TSEN15: variants seen among roughly 807,000 people sequenced by gnomAD.
TSEN15 encodes the protein tRNA splicing endonuclease subunit 15, also known as tRNA-splicing endonuclease subunit Sen15.
TSEN15 carries 10 observed loss-of-function variants against 20.5 expected under a neutral mutation model. The observed-to-expected ratio is 0.49, with a 90% CI of 0.30 to 0.83. The LOEUF is 0.83. Ranked by LOEUF, TSEN15 falls within the 40% of genes least tolerant of loss-of-function variation. The probability of loss-of-function intolerance (pLI) is 0.06; values close to 1 mark genes in which losing one functional copy is unlikely to be tolerated. For missense variants in TSEN15, 180 were observed against 218.6 expected, an observed-to-expected ratio of 0.82 and a Z score of 1.11; for synonymous variants, 72 against 80.1, an observed-to-expected ratio of 0.90 and a Z score of 0.54.
chr1:184,063,128 C>T (rs1650526491), intron 3 of TSEN15, among the ~76,000 whole-genome samples: 1 of 152,070 alleles, frequency 6.6e-6, no homozygotes, highest in Non-Finnish European at 1.5e-5. Flanking sequence ...ATTTTGTTCC[C>T]CTAGGACCTC....
chr1:184,067,924 C>CA (rs71130650), intron 3 of TSEN15, among the ~76,000 whole-genome samples: 1,231 of 54,694 alleles, frequency 0.023, 43 homozygotes, highest in African/African-American at 0.043. Flanking sequence ...CTCTCTCTCT[C>CA]AAAAAAAAAA....
At chr1:184,061,873 T>C (rs566964829) in intron 3 of TSEN15, among the ~76,000 whole-genome samples, 25 of 152,178 alleles carry the variant, frequency 1.6e-4, no homozygotes, top group Non-Finnish European at 3.2e-4. Context: ...ACAGGGTGAA[T>C]GTGTATTTGA....
At chr1:184,075,910 A>ATATATATATT (rs760409158), downstream of TSEN15, among the ~76,000 whole-genome samples, 8 of 123,738 alleles carry the variant, frequency 6.5e-5, no homozygotes, top group African/African-American at 2.3e-4. Context: ...ATATATATAT[A>ATATATATATT]TTTTTTTTTT....
Position 184,063,632 on chromosome 1 carries a change from A to G in TSEN15, c.354-8525A>G, listed in dbSNP as rs181176636. On this transcript the variant is annotated intron_variant, in intron 3 of 4. Coordinates refer to ENST00000645668, the MANE Select transcript of TSEN15 (RefSeq NM_052965.4). ...ATTTTAGTTATTTTTTCTTTGTCAG[A>G]ATTAATTTTTCCCAATATAGCTTTT... 3.0e-3 allele frequency among the ~76,000 whole-genome samples: 461 copies of G among 152,250 alleles called. 5 individuals carry two copies. Among genetic ancestry groups the G allele is most frequent in the African/African-American group, 0.011 (445 of 41,564 alleles).
chr1:184,074,992 TAA>T (rs1651028290), downstream of TSEN15, among the ~76,000 whole-genome samples: 1 of 152,262 alleles, frequency 6.6e-6, no homozygotes, highest in Admixed American at 6.5e-5. Context: ...CTTGATTTCT[TAA>T]GTCTCTCGTT....
chr1:184,088,720 T>C (rs1256668531), intron 3 of TSEN15, among the ~76,000 whole-genome samples: 1 of 152,208 alleles, frequency 6.6e-6, no homozygotes, highest in East Asian at 1.9e-4. Context: ...CCTTCAGTGC[T>C]CATCTGGGTT....
intron 3 of TSEN15, among the ~76,000 whole-genome samples, chr1:184,064,005 A>G (rs1408097514): frequency 6.6e-6 from 1 of 152,198 alleles, no homozygotes; most frequent in East Asian, 1.9e-4. Flanking sequence ...GTAAATTACA[A>G]ATTATTCCAG....
chr1:184,060,473 A>G (rs1454867266), intron 3 of TSEN15, among the ~76,000 whole-genome samples: 1 of 152,234 alleles, frequency 6.6e-6, no homozygotes, highest in African/African-American at 2.4e-5. Flanking sequence ...AAAGAACACT[A>G]TGAAAATTAC....
At position 184,073,695 on chromosome 1, in the gene TSEN15, C is replaced by T. The variant is rs1650985635; in HGVS notation, c.*848C>T. The T allele has an allele frequency of 6.6e-6, 1 of 152,514 alleles. No homozygotes were observed. Among genetic ancestry groups the T allele is most frequent in the Non-Finnish European group, 1.5e-5 (1 of 68,024 alleles). 9.4% of individuals were successfully genotyped at this position (152,514 alleles called of 1,614,324 possible). ...ACTTTTAGTAGCCCAAATTATAAAC[C>T]ACTTTAAAGTTTGGGGTAAAGATTG... is the stretch of plus-strand genomic sequence containing the variant. On this transcript the variant is annotated 3_prime_UTR_variant, in exon 5 of 5. Transcript: ENST00000645668.
intron 4 of TSEN15, 85 bp downstream of exon 4, chr1:184,072,383 G>A (rs1335061009): frequency 2.4e-6 from 3 of 1,236,548 alleles, no homozygotes; most frequent in Non-Finnish European, 3.3e-6. Flanking sequence ...GTCAGTCACA[G>A]AACTGCCACT....
At chr1:184,095,789 C>T (rs138234291) in exon 4 of TSEN15, 21 of 398,472 alleles carry the variant, frequency 5.3e-5, no homozygotes, top group Admixed American at 3.5e-4. Context: ...TCCTGCACTT[C>T]GGTCTGGATT....
chr1:184,067,363 G>A (rs1337759562), intron 3 of TSEN15, among the ~76,000 whole-genome samples: 4 of 152,016 alleles, frequency 2.6e-5, no homozygotes, highest in African/African-American at 4.8e-5. Flanking sequence ...TTCATATTTG[G>A]TTTTCTTTGA....
intron 3 of TSEN15, among the ~76,000 whole-genome samples, chr1:184,088,703 A>G (rs1336925708): frequency 8.2e-6 from 1 of 122,516 alleles, no homozygotes; most frequent in African/African-American, 3.0e-5. Flanking sequence ...TACATTTCCT[A>G]TTGTAACCTT....
At position 184,051,816 on chromosome 1, in the gene TSEN15, G is replaced by A; in HGVS notation, c.61G>A (p.Val21Ile). Residue 21 changes from valine (V) to isoleucine (I), a missense_variant, in exon 1 of 5, where the codon GTT becomes ATT. Transcript: ENST00000645668. Reference sequence around the variant, plus strand: ...CTGCAGCGGCCTGGGTCCGGGCGGTGTTCGCGGCTTTGGCGACGGCGGTGG... The same window carrying A: ...CTGCAGCGGCCTGGGTCCGGGCGGTATTCGCGGCTTTGGCGACGGCGGTGG... ...PGCSGLGPGG[V>I]RGFGDGGGAP... 1 of 1,544,048 alleles carries A rather than the reference G, an allele frequency of 6.5e-7. No homozygotes were observed. The highest frequency in any genetic ancestry group is 1.2e-5 in the South Asian group (1 of 83,192).
At chr1:184,090,417 T>G (rs964259712) in intron 3 of TSEN15, among the ~76,000 whole-genome samples, 6 of 152,312 alleles carry the variant, frequency 3.9e-5, no homozygotes, top group Non-Finnish European at 7.4e-5. Context: ...CTGGTTATAG[T>G]TTTGAAACTC....
At chr1:184,061,515 G>T (rs899884500) in intron 3 of TSEN15, among the ~76,000 whole-genome samples, 2 of 152,022 alleles carry the variant, frequency 1.3e-5, no homozygotes, top group African/African-American at 4.8e-5. Flanking sequence ...ATAATCTGTT[G>T]TTTGTAAAAC....
chr1:184,066,490 C>A (rs754285015), intron 3 of TSEN15, among the ~76,000 whole-genome samples: 4 of 151,890 alleles, frequency 2.6e-5, no homozygotes, highest in Non-Finnish European at 5.9e-5. Flanking sequence ...GCAACCCGGT[C>A]CGCCTCCTGG....
chr1:184,056,925 G>T (rs1406804682), intron 3 of TSEN15, among the ~76,000 whole-genome samples: 1 of 152,078 alleles, frequency 6.6e-6, no homozygotes, highest in African/African-American at 2.4e-5. Context: ...CCTCCCTTAT[G>T]CATTTCTTCT....
At chr1:184,063,862 T>G (rs1193160590) in intron 3 of TSEN15, among the ~76,000 whole-genome samples, 2 of 152,082 alleles carry the variant, frequency 1.3e-5, no homozygotes, top group Admixed American at 1.3e-4. Context: ...ATTAAAAATT[T>G]ATTTATTGTT....
Sources: gnomAD v4.1 joint callset for allele counts (sites outside exome capture counted in the v4.1 genomes callset) on GRCh38, gnomAD v4.1.1 for gene constraint, MANE v1.5 for transcripts, NCBI Gene and HGNC (gene_info 2026-07-23, HGNC 2026-07-21) for gene names.